The following NIM1K variants were observed in gnomAD, a reference collection of about 807,000 sequenced individuals.
The protein encoded by NIM1K is serine/threonine-protein kinase NIM1.
NIM1K carries 35 observed loss-of-function variants against 37.1 expected under a neutral mutation model. The ratio of observed to expected loss-of-function variants is 0.94; its 90% confidence interval spans 0.72 to 1.25. NIM1K has a LOEUF of 1.25. NIM1K is among the 50% of genes most tolerant of loss of function. The pLI, the probability that NIM1K is intolerant of heterozygous loss-of-function variation, is 0.00. For missense variants in NIM1K, 564 were observed against 548.0 expected, an observed-to-expected ratio of 1.03 and a Z score of -0.29; for synonymous variants, 234 against 206.6, an observed-to-expected ratio of 1.13 and a Z score of -1.14.
chr5:43,223,956 TAGC>T (rs1339974925), intron 1 of NIM1K, among the ~76,000 whole-genome samples: 3 of 132,212 alleles, frequency 2.3e-5, no homozygotes, highest in Non-Finnish European at 4.8e-5. Context: ...TGTGCAAAAA[TAGC>T]AGCATCATGA....
At chr5:43,240,638 G>T (rs1459106394) in intron 1 of NIM1K, among the ~76,000 whole-genome samples, 11 of 151,260 alleles carry the variant, frequency 7.3e-5, no homozygotes, top group African/African-American at 2.7e-4. Flanking sequence ...CCGCCTCCTG[G>T]GCTCAAGCGA....
At position 43,279,977 on chromosome 5, in the gene NIM1K, C is replaced by T. The variant is rs753342586; in HGVS notation, c.562-3C>T. ...TGACTTTTCTCTATGTCTTCTTCCA[C>T]AGCATGAAAACCAAATTATTCATAG... is the stretch of plus-strand genomic sequence containing the variant. On this transcript the variant is annotated splice_polypyrimidine_tract_variant and splice_region_variant and intron_variant, in intron 3 of 3. Transcript: ENST00000326035. 2 of 1,602,060 alleles carry T rather than the reference C, an allele frequency of 1.2e-6. No individual in the cohort carries two copies. The highest frequency in any genetic ancestry group is 1.1e-5 in the South Asian group (1 of 90,420).
intron 1 of NIM1K, among the ~76,000 whole-genome samples, chr5:43,213,973 CTCTT>C (rs761731211): frequency 8.4e-4 from 124 of 147,558 alleles, no homozygotes; most frequent in East Asian, 1.0e-3. Context: ...CTTCCTTCTT[CTCTT>C]TCTTTCTTTT....
intron 2 of NIM1K, among the ~76,000 whole-genome samples, chr5:43,256,802 TTCAGGCATAAC>T (rs1432738276): frequency 6.6e-6 from 1 of 152,190 alleles, no homozygotes; most frequent in Non-Finnish European, 1.5e-5. Context: ...AATAATGAAA[TTCAGGCATAAC>T]TCTTAGCAGG....
At chr5:43,278,148 C>A (rs570665668) in intron 3 of NIM1K, among the ~76,000 whole-genome samples, 9 of 151,468 alleles carry the variant, frequency 5.9e-5, no homozygotes, top group African/African-American at 2.2e-4. Flanking sequence ...CGGGTTCAAG[C>A]GATTCTCCTG....
At chr5:43,236,227 A>G (rs754074621) in intron 1 of NIM1K, among the ~76,000 whole-genome samples, 1 of 152,098 alleles carries the variant, frequency 6.6e-6, no homozygotes, top group African/African-American at 2.4e-5. Context: ...TGATTGCACC[A>G]CTGCACTCCA....
intron 1 of NIM1K, among the ~76,000 whole-genome samples, 161 bp downstream of exon 1, chr5:43,192,572 A>G (rs1751849302): frequency 6.6e-6 from 1 of 152,174 alleles, no homozygotes; most frequent in African/African-American, 2.4e-5. Context: ...GTGGGGTCAG[A>G]AGAAGGTTAG....
At position 43,271,101 on chromosome 5, in the gene NIM1K, T is replaced by C. The variant is rs187332982; in HGVS notation, c.293-5956T>C. ...AGCTTCCAGCAGCTTCTTTTTTTTT[T>C]TCAAGTGGCAGTTTTAAGTTTGTGG... On this transcript the variant is annotated intron_variant, in intron 2 of 3. Transcript: ENST00000326035. 2.6e-5 allele frequency among the ~76,000 whole-genome samples: 4 copies of C among 152,328 alleles called. No homozygotes were observed. In the East Asian group the frequency reaches 5.8e-4, roughly 22 times the overall value.
chr5:43,259,554 A>G (rs114748243), intron 2 of NIM1K, among the ~76,000 whole-genome samples: 356 of 152,200 alleles, frequency 2.3e-3, no homozygotes, highest in African/African-American at 8.3e-3. Context: ...GTTTTTCCAT[A>G]TGTTTGTTGG....
At chr5:43,239,981 CCT>C (rs1752676398) in intron 1 of NIM1K, among the ~76,000 whole-genome samples, 1 of 152,000 alleles carries the variant, frequency 6.6e-6, no homozygotes, top group African/African-American at 2.4e-5. Flanking sequence ...TGATAATTTC[CCT>C]GTGTAACCAA....
intron 1 of NIM1K, among the ~76,000 whole-genome samples, chr5:43,212,281 C>G (rs1336687364): frequency 6.6e-6 from 1 of 152,078 alleles, no homozygotes; most frequent in African/African-American, 2.4e-5. Flanking sequence ...CACATCATTT[C>G]TGGGTTTCTG....
intron 1 of NIM1K, among the ~76,000 whole-genome samples, chr5:43,204,197 C>G (rs1056445898): frequency 7.1e-6 from 1 of 140,524 alleles, no homozygotes; most frequent in Non-Finnish European, 1.5e-5. Flanking sequence ...AAGAGATTCT[C>G]CTGCCTCAGC....
chr5:43,251,357 G>T (rs899078147), intron 2 of NIM1K, among the ~76,000 whole-genome samples: 1 of 152,156 alleles, frequency 6.6e-6, no homozygotes, highest in South Asian at 2.1e-4. Flanking sequence ...ATGTTTTTAC[G>T]CTGTGATTCA....
intron 2 of NIM1K, among the ~76,000 whole-genome samples, chr5:43,265,502 CT>C (rs1331760242): frequency 1.3e-5 from 2 of 152,144 alleles, no homozygotes; most frequent in African/African-American, 2.4e-5. Context: ...GCTTTTTATT[CT>C]AGTTAGCCAT....
chr5:43,205,316 T>C (rs769433102), intron 1 of NIM1K, among the ~76,000 whole-genome samples: 4 of 152,260 alleles, frequency 2.6e-5, no homozygotes, highest in Non-Finnish European at 5.9e-5. Flanking sequence ...TAGAGTTTGT[T>C]GTAATGGTTA....
At chr5:43,236,902 T>C (rs1328261475) in intron 1 of NIM1K, among the ~76,000 whole-genome samples, 1 of 152,216 alleles carries the variant, frequency 6.6e-6, no homozygotes, top group Non-Finnish European at 1.5e-5. Context: ...TTCTATTTGC[T>C]TTGGAATTTC....
At chr5:43,278,942 A>C (rs1753395554) in intron 3 of NIM1K, among the ~76,000 whole-genome samples, 2 of 152,228 alleles carry the variant, frequency 1.3e-5, no homozygotes, top group South Asian at 4.1e-4. Context: ...CCAGGGCCAG[A>C]GAATAAGCCA....
chr5:43,197,996 T>C (rs1751942605), intron 1 of NIM1K, among the ~76,000 whole-genome samples: 1 of 152,036 alleles, frequency 6.6e-6, no homozygotes, highest in South Asian at 2.1e-4. Context: ...CATAGTAGAG[T>C]AAGAGGGGTA....
intron 2 of NIM1K, among the ~76,000 whole-genome samples, chr5:43,253,603 A>G (rs1448367472): frequency 6.6e-6 from 1 of 152,054 alleles, no homozygotes; most frequent in Admixed American, 6.6e-5. Flanking sequence ...GGGCTTGATC[A>G]TGGAAAATCT....
Sources: allele counts gnomAD v4.1 joint callset (sites outside exome capture counted in the v4.1 genomes callset), GRCh38; gene constraint gnomAD v4.1.1; transcripts MANE v1.5; gene names NCBI Gene and HGNC (gene_info 2026-07-23, HGNC 2026-07-21).